Variants in STXBP6 observed in about 807,000 individuals in gnomAD.
The protein encoded by STXBP6 is syntaxin binding protein 6.
STXBP6 carries 21 observed loss-of-function variants against 26.9 expected under a neutral mutation model. The ratio of observed to expected loss-of-function variants is 0.78; its 90% CI spans 0.55 to 1.12. STXBP6 has a LOEUF of 1.12. Ranked by LOEUF, STXBP6 falls within the 50% of genes most tolerant of loss-of-function variation. The pLI, the probability that STXBP6 is intolerant of heterozygous loss-of-function variation, is 0.00. For missense variants in STXBP6, 232 were observed against 257.9 expected (o/e 0.90, Z 0.69); for synonymous variants, 97 against 92.6 (o/e 1.05, Z -0.27).
At chr14:24,830,266 A>G (rs1053034420) in intron 4 of STXBP6, among the ~76,000 whole-genome samples, 5 of 152,124 alleles carry the variant, frequency 3.3e-5, no homozygotes, top group Admixed American at 1.3e-4. Flanking sequence ...CTGGACCAAG[A>G]TAATTTTTGG....
Position 24,810,452 on chromosome 14 carries a change from T to A in STXBP6, c.*2257A>T, listed in dbSNP as rs1318115272. The stretch of plus-strand genomic sequence containing the variant: ...TTGTGGGGAGGCCTAGGTAGGACTT[T>A]GACACTGAGAGGTCAAAGGTATGAA... On this transcript the variant is annotated 3_prime_UTR_variant, in exon 6 of 6. Transcript: ENST00000323944. 1.3e-5 allele frequency: 2 copies of A among 152,170 alleles called. No individual in the cohort carries two copies. Among genetic ancestry groups the A allele is most frequent in the Non-Finnish European group, 2.9e-5 (2 of 68,040 alleles). The allele number at this position is 152,170 out of a possible 1,614,324, so 9.4% of individuals were successfully genotyped here.
intron 4 of STXBP6, among the ~76,000 whole-genome samples, chr14:24,821,751 A>G (rs1277852676): frequency 1.3e-5 from 2 of 152,128 alleles, no homozygotes; most frequent in African/African-American, 4.8e-5. Context: ...AAGTACAATC[A>G]CGGGCAACTC....
intron 2 of STXBP6, among the ~76,000 whole-genome samples, chr14:24,905,348 C>T (rs1261442987): frequency 6.6e-6 from 1 of 152,088 alleles, no homozygotes; most frequent in African/African-American, 2.4e-5. Context: ...GCTTGTAATA[C>T]CTACTTACAG....
intron 2 of STXBP6, among the ~76,000 whole-genome samples, chr14:24,916,132 GACAA>G (rs1407106530): frequency 6.6e-6 from 1 of 152,056 alleles, no homozygotes; most frequent in East Asian, 1.9e-4. Flanking sequence ...AAACAAATAT[GACAA>G]ACAAAGTCTT....
chr14:24,973,530 T>C (rs2073963397), intron 2 of STXBP6, among the ~76,000 whole-genome samples: 1 of 151,594 alleles, frequency 6.6e-6, no homozygotes, highest in Non-Finnish European at 1.5e-5. Flanking sequence ...GGAGTACAGG[T>C]GAGTGCCATC....
chr14:25,009,832 C>A (rs959199274), intron 1 of STXBP6, among the ~76,000 whole-genome samples: 3 of 152,212 alleles, frequency 2.0e-5, no homozygotes, highest in African/African-American at 7.2e-5. Flanking sequence ...GTATGGACTA[C>A]AAATCATTCA....
At chr14:24,961,488 A>G (rs573777259) in intron 2 of STXBP6, among the ~76,000 whole-genome samples, 2 of 152,238 alleles carry the variant, frequency 1.3e-5, no homozygotes, top group Admixed American at 1.3e-4. Flanking sequence ...TTATGCTGCT[A>G]TAGAAAAGAA....
intron 1 of STXBP6, among the ~76,000 whole-genome samples, chr14:25,026,270 C>T (rs751250036): frequency 6.6e-6 from 1 of 152,082 alleles, no homozygotes; most frequent in African/African-American, 2.4e-5. Flanking sequence ...CTCAAAAAGA[C>T]GGTGCCAAAA....
chr14:24,819,114 C>A lies in STXBP6; in HGVS notation c.532G>T (p.Glu178Ter). The A allele has an allele frequency of 6.2e-7, 1 of 1,614,158 alleles. No homozygotes were observed. Among genetic ancestry groups the A allele is most frequent in the Non-Finnish European group, 8.5e-7 (1 of 1,180,004 alleles). The change falls in exon 5 of 6, where the codon GAG (glutamate) becomes TAG (stop). Residue 178 changes from glutamate to a stop codon, truncating the protein, a stop_gained. Coordinates refer to ENST00000323944, the MANE Select transcript of STXBP6 (RefSeq NM_001394410.1). LOFTEE classifies it high-confidence loss of function. Reference sequence around the variant, plus strand: ...TTCTCCTCTGCTCGGCCTAATCGCTCTCCACGCTCATTCAAGGCCTGGCTT... The same window carrying A: ...TTCTCCTCTGCTCGGCCTAATCGCTATCCACGCTCATTCAAGGCCTGGCTT... Reference protein sequence around the residue: ...KASQALNERGERLGRAEEKTE... With the variant: ...KASQALNERG
chr14:24,978,007 C>CA (rs1263971697), intron 1 of STXBP6, among the ~76,000 whole-genome samples: 3 of 152,208 alleles, frequency 2.0e-5, no homozygotes, highest in Non-Finnish European at 4.4e-5. Context: ...AGGGCAATGA[C>CA]ACTAACAGGA....
At chr14:24,979,939 C>T (rs1381104540) in intron 1 of STXBP6, among the ~76,000 whole-genome samples, 1 of 152,210 alleles carries the variant, frequency 6.6e-6, no homozygotes, top group African/African-American at 2.4e-5. Context: ...GAATATGATT[C>T]AAGCTTAACT....
intron 1 of STXBP6, among the ~76,000 whole-genome samples, chr14:25,003,242 G>T (rs749108559): frequency 4.6e-5 from 7 of 152,190 alleles, no homozygotes; most frequent in African/African-American, 7.2e-5. Context: ...GTAGACAGGA[G>T]TCCCACAGGT....
At chr14:24,906,719 T>C (rs535804681) in intron 2 of STXBP6, among the ~76,000 whole-genome samples, 112 of 152,188 alleles carry the variant, frequency 7.4e-4, no homozygotes, top group Non-Finnish European at 1.0e-3. Context: ...ACCGGCAATA[T>C]TGCTAAGTCA....
Position 24,818,944 on chromosome 14 carries a change from C to A in STXBP6, c.609+93G>T, listed in dbSNP as rs2068059960. 17 of 1,447,174 alleles carry A rather than the reference C, an allele frequency of 1.2e-5. No individual in the cohort carries two copies. In the South Asian group the frequency reaches 2.2e-4, roughly 19 times the overall value. The allele number at this position is 1,447,174 out of a possible 1,614,324, so 89.6% of individuals were successfully genotyped here. On this transcript the variant is annotated intron_variant, in intron 5 of 5. Coordinates refer to ENST00000323944, the MANE Select transcript of STXBP6 (RefSeq NM_001394410.1). ...AAGGGGAAATAGCTTAATTTTATAT[C>A]TCTCATCACAGGAAAATACTGAAAT...
intron 2 of STXBP6, among the ~76,000 whole-genome samples, chr14:24,891,641 A>G (rs2070791464): frequency 6.6e-6 from 1 of 152,182 alleles, no homozygotes; most frequent in South Asian, 2.1e-4. Context: ...CCCCACTAAT[A>G]TTAGCCTTGA....
chr14:24,883,721 A>C (rs2070459635), intron 2 of STXBP6, among the ~76,000 whole-genome samples: 1 of 152,178 alleles, frequency 6.6e-6, no homozygotes, highest in Non-Finnish European at 1.5e-5. Context: ...TAGTCAGTAG[A>C]GTTTCCACTG....
At chr14:25,014,986 CTT>C (rs1174007723) in intron 1 of STXBP6, among the ~76,000 whole-genome samples, 2 of 152,248 alleles carry the variant, frequency 1.3e-5, no homozygotes, top group East Asian at 3.9e-4. Flanking sequence ...TTTTAAATCA[CTT>C]ATATCAAAGC....
intron 1 of STXBP6, among the ~76,000 whole-genome samples, chr14:25,009,020 G>C (rs192719803): frequency 2.6e-5 from 4 of 152,086 alleles, no homozygotes; most frequent in Admixed American, 6.6e-5. Flanking sequence ...GAGAGACATG[G>C]AGAATTCTGA....
At chr14:24,843,647 C>T (rs2068851426) in intron 4 of STXBP6, among the ~76,000 whole-genome samples, 1 of 152,120 alleles carries the variant, frequency 6.6e-6, no homozygotes, top group South Asian at 2.1e-4. Context: ...GTAATTCATC[C>T]ACAGACCAAT....
Sources: gnomAD v4.1 joint callset for allele counts (sites outside exome capture counted in the v4.1 genomes callset) on GRCh38, gnomAD v4.1.1 for gene constraint, MANE v1.5 for transcripts, NCBI Gene and HGNC (gene_info 2026-07-23, HGNC 2026-07-21) for gene names.